Variants in OSBPL6 observed in about 807,000 individuals in gnomAD.
OSBPL6 encodes the protein oxysterol binding protein like 6, also known as oxysterol-binding protein-related protein 6.
Under a neutral mutation model 125.8 loss-of-function variants are expected in OSBPL6, and 49 were observed. The observed-to-expected ratio is 0.39, with a 90% CI of 0.31 to 0.49. The LOEUF (loss-of-function observed/expected upper bound fraction) is 0.49. Among genes scored for constraint, OSBPL6 ranks in the 20% least tolerant of loss-of-function variants. OSBPL6 has a pLI of 0.88. For synonymous variants in OSBPL6, 394 were observed against 391.8 expected, an observed-to-expected ratio of 1.01 and a Z score of -0.07; for missense variants, 986 against 1,135.4, an observed-to-expected ratio of 0.87 and a Z score of 1.89.
intron 19 of OSBPL6, among the ~76,000 whole-genome samples, 158 bp from the exon 20 acceptor site, chr2:178,386,903 C>A (rs10930830): frequency 0.24 from 36,706 of 151,806 alleles, 5,350 homozygotes; most frequent in East Asian, 0.42. Flanking sequence ...ATATTTTCAC[C>A]TTGGGCCATT....
chr2:178,344,414 C>A, intron 11 of OSBPL6: 1 of 1,549,692 alleles, frequency 6.5e-7, no homozygotes, highest in South Asian at 1.1e-5. Context: ...AACCTGTGTA[C>A]AAGGATGACT....
At chr2:178,393,871 A>G (rs1695618247) in intron 23 of OSBPL6, among the ~76,000 whole-genome samples, 1 of 152,180 alleles carries the variant, frequency 6.6e-6, no homozygotes, top group African/African-American at 2.4e-5. Flanking sequence ...CCTGTTCTCA[A>G]AATAGACGGA....
chr2:178,303,376 A>G (rs1686465144), intron 2 of OSBPL6, among the ~76,000 whole-genome samples: 1 of 152,188 alleles, frequency 6.6e-6, no homozygotes, highest in Admixed American at 6.5e-5. Flanking sequence ...ACAGTTTACA[A>G]AAATTCCCCC....
At chr2:178,318,764 T>C (rs1312555290) in intron 3 of OSBPL6, among the ~76,000 whole-genome samples, 1 of 152,216 alleles carries the variant, frequency 6.6e-6, no homozygotes, top group Admixed American at 6.5e-5. Context: ...GTGATGGTCA[T>C]GGAAGGCACG....
chr2:178,372,022 A>G (rs1693436189), intron 13 of OSBPL6, 104 bp from the exon 14 acceptor site: 1 of 804,220 alleles, frequency 1.2e-6, no homozygotes, highest in Non-Finnish European at 1.9e-6. Context: ...AGTTAGAGCT[A>G]AGAACATCAC....
chr2:178,334,189 A>G (rs1574897684), intron 8 of OSBPL6, among the ~76,000 whole-genome samples: 1 of 152,266 alleles, frequency 6.6e-6, no homozygotes, highest in Admixed American at 6.5e-5. Context: ...ACCTAGCCCC[A>G]CTGCACTGCG....
At chr2:178,320,191 G>A (rs974591630) in intron 3 of OSBPL6, 42 of 1,445,456 alleles carry the variant, frequency 2.9e-5, no homozygotes, top group Non-Finnish European at 3.8e-5. Context: ...TTGTCTGTCT[G>A]TTTACCTATG....
intron 3 of OSBPL6, among the ~76,000 whole-genome samples, chr2:178,318,739 G>A (rs966342579): frequency 2.6e-5 from 4 of 152,154 alleles, no homozygotes; most frequent in Non-Finnish European, 5.9e-5. Context: ...ATGGTTACTG[G>A]GTTTGCTGGG....
intron 23 of OSBPL6, 50 bp from the exon 24 acceptor site, chr2:178,394,262 TC>T (rs751788228): frequency 6.3e-6 from 10 of 1,586,694 alleles, no homozygotes; most frequent in Middle Eastern, 1.7e-4. Flanking sequence ...AGGTTTTTTT[TC>T]CCCCAGAAAA....
chr2:178,267,900 T>C (rs2154022777), intron 1 of OSBPL6, among the ~76,000 whole-genome samples: 2 of 152,192 alleles, frequency 1.3e-5, no homozygotes, highest in South Asian at 4.1e-4. Flanking sequence ...GGAGTGATTT[T>C]CTCTGCTAAT....
chr2:178,194,391 C>G (rs550882877), upstream of OSBPL6: 1 of 152,096 alleles, frequency 6.6e-6, no homozygotes, highest in African/African-American at 2.4e-5. Flanking sequence ...GCCGGGCGGA[C>G]GGGCGGGAGC....
intron 10 of OSBPL6, 32 bp from the exon 11 acceptor site, chr2:178,339,640 C>A: frequency 6.5e-7 from 1 of 1,530,360 alleles, no homozygotes; most frequent in Non-Finnish European, 8.9e-7. Context: ...CTTAATAATA[C>A]TTTGTTGCTT....
At chr2:178,193,968 G>A (rs1157207302), upstream of OSBPL6, among the ~76,000 whole-genome samples, 1 of 152,246 alleles carries the variant, frequency 6.6e-6, no homozygotes, top group Non-Finnish European at 1.5e-5. Flanking sequence ...GACCTCAGAA[G>A]GGCGCCCAGG....
At chr2:178,286,870 G>A (rs535769743) in intron 2 of OSBPL6, among the ~76,000 whole-genome samples, 8 of 152,100 alleles carry the variant, frequency 5.3e-5, no homozygotes, top group East Asian at 1.9e-4. Flanking sequence ...AAATCTTGCC[G>A]TCAGAGTTAG....
At chr2:178,229,290 T>C (rs1221992712) in intron 1 of OSBPL6, among the ~76,000 whole-genome samples, 1 of 152,174 alleles carries the variant, frequency 6.6e-6, no homozygotes, top group Non-Finnish European at 1.5e-5. Context: ...CAAGATAGAT[T>C]AGAGCCTTGT....
In OSBPL6 at chr2:178,209,069, G is replaced by T. The variant is rs552839368; in HGVS notation, c.-351+14395G>T. Among the ~76,000 whole-genome samples, 3 of 152,224 alleles carry T rather than the reference G, an allele frequency of 2.0e-5. No individual in the cohort carries two copies. The East Asian group carries it at 5.8e-4, about 29-fold the overall frequency. ...TTGTTTTTCTGTCTGGTAGTTAGTA[G>T]TATTTTCTCTCTTTATGTTCAATCT... On this transcript the variant is annotated intron_variant, in intron 1 of 24. Transcript: ENST00000190611.
intron 1 of OSBPL6, among the ~76,000 whole-genome samples, chr2:178,234,401 GAGAGAGAGAGAGAC>G (rs1559143993): frequency 6.6e-6 from 1 of 150,934 alleles, no homozygotes; most frequent in African/African-American, 2.4e-5. Context: ...TTACCAGTGA[GAGAGAGAGAGAGAC>G]AGAGAGAGAG....
At chr2:178,349,110 T>G in intron 11 of OSBPL6, 114 bp from the exon 12 acceptor site, 1 of 1,100,318 alleles carries the variant, frequency 9.1e-7, no homozygotes, top group Non-Finnish European at 1.4e-6. Flanking sequence ...TGTCTCCAAG[T>G]GTGTTATCAG....
At chr2:178,217,900 G>T (rs2090155080) in intron 1 of OSBPL6, among the ~76,000 whole-genome samples, 1 of 152,058 alleles carries the variant, frequency 6.6e-6, no homozygotes, top group Non-Finnish European at 1.5e-5. Flanking sequence ...AATAATTTGG[G>T]GCTGGTTTTC....
Sources: allele counts gnomAD v4.1 joint callset (sites outside exome capture counted in the v4.1 genomes callset), GRCh38; gene constraint gnomAD v4.1.1; transcripts MANE v1.5; gene names NCBI Gene and HGNC (gene_info 2026-07-23, HGNC 2026-07-21).